The following CLEC4E variants were observed in gnomAD, a reference collection of about 807,000 sequenced individuals.
The protein encoded by CLEC4E is C-type lectin domain family 4 member E, also known as C-type (calcium dependent, carbohydrate-recognition domain) lectin, superfamily member 9.
A neutral mutation model predicts 24.7 loss-of-function variants in CLEC4E; 21 were observed. The observed-to-expected ratio is 0.85, with a 90% CI of 0.60 to 1.22. CLEC4E has a LOEUF of 1.22. Ranked by LOEUF, CLEC4E falls within the 50% of genes most tolerant of loss-of-function variation. The probability of loss-of-function intolerance (pLI) is 0.00; values close to 1 mark genes in which losing one functional copy is unlikely to be tolerated. For missense variants in CLEC4E, 249 were observed against 254.1 expected (o/e 0.98, Z 0.14); for synonymous variants, 94 against 85.7 (o/e 1.10, Z -0.54).
rs751685174 is a variant in CLEC4E at position 8,534,302 on chromosome 12, G to T, written c.*336C>A. ...CCCGGATTCAGGAGATTTTTGGAAG[G>T]CACCTTCCAAAATCCCCTTCTTTGC... On this transcript the variant is annotated 3_prime_UTR_variant, in exon 6 of 6. Transcript: ENST00000299663. The T allele has an allele frequency of 3.6e-5, 6 of 166,664 alleles. No homozygotes were observed. The highest frequency in any genetic ancestry group is 5.2e-5 in the Non-Finnish European group (4 of 77,534). The allele number at this position is 166,664 out of a possible 1,614,324, so 10.3% of individuals were successfully genotyped here.
chr12:8,536,980 G>A (rs935958690), intron 4 of CLEC4E, 135 bp downstream of exon 4: 11 of 746,488 alleles, frequency 1.5e-5, no homozygotes, highest in Admixed American at 1.1e-4. Context: ...TGACTTTACC[G>A]AAATAGTAAG....
At chr12:8,540,660 T>A in intron 1 of CLEC4E, 101 bp downstream of exon 1, 5 of 1,063,596 alleles carry the variant, frequency 4.7e-6, no homozygotes, top group South Asian at 2.7e-5. Flanking sequence ...CTTTTTTTTT[T>A]AACTTCAGTG....
In CLEC4E at chr12:8,534,958, G is replaced by A. The variant is rs764046984; in HGVS notation, c.489-149C>T. 1.7e-4 allele frequency: 107 copies of A among 622,104 alleles called. No individual in the cohort carries two copies. In the South Asian group the frequency reaches 2.6e-3, roughly 15 times the overall value. 38.5% of individuals were successfully genotyped at this position (622,104 alleles called of 1,614,324 possible). A position where few individuals can be genotyped will look rare whatever the true frequency, so the allele number is the denominator to read the frequency against. ...ATGTCCATTTTATTGAAGAAGAAAA[G>A]GAACCTCAGGAAGCTAAACTAGTTG... On this transcript the variant is annotated intron_variant, in intron 5 of 5. Transcript: ENST00000299663.
At chr12:8,536,903 G>A (rs778029924) in intron 4 of CLEC4E, among the ~76,000 whole-genome samples, 13 of 152,180 alleles carry the variant, frequency 8.5e-5, no homozygotes, top group Admixed American at 1.3e-4. Flanking sequence ...CTAACTAAAG[G>A]AACTCCACAT....
intron 4 of CLEC4E, 41 bp from the exon 5 acceptor site, chr12:8,536,246 T>C (rs1451835877): frequency 2.5e-6 from 3 of 1,182,346 alleles, no homozygotes; most frequent in Non-Finnish European, 3.8e-6. Context: ...GTTATTTTAG[T>C]TTTGAATAAA....
chr12:8,535,854 C>G (rs925481688), intron 5 of CLEC4E, among the ~76,000 whole-genome samples: 1 of 152,148 alleles, frequency 6.6e-6, no homozygotes, highest in Non-Finnish European at 1.5e-5. Flanking sequence ...TTCCACCTCT[C>G]GTCTCTTTTG....
chr12:8,539,952 A>G lies in CLEC4E; in HGVS notation c.38-5T>C, dbSNP rs1337765692. 1 of 1,553,492 alleles carries G rather than the reference A, an allele frequency of 6.4e-7. No individual in the cohort carries two copies. Among genetic ancestry groups the G allele is most frequent in the African/African-American group, 1.4e-5 (1 of 73,884 alleles). On this transcript the variant is annotated splice_region_variant and splice_polypyrimidine_tract_variant and intron_variant, in intron 1 of 5. Coordinates refer to ENST00000299663, the MANE Select transcript of CLEC4E (RefSeq NM_014358.4). ...GGGAAGAGAAGCATCCTCTCTCTGTAGAAAGAAAGACACAAACATGATCAA... is the reference window on the plus strand; with the variant it reads ...GGGAAGAGAAGCATCCTCTCTCTGTGGAAAGAAAGACACAAACATGATCAA...
chr12:8,540,781 G>T lies in CLEC4E; in HGVS notation c.17C>A (p.Ser6Ter). 2 of 1,609,062 alleles carry T rather than the reference G, an allele frequency of 1.2e-6. No homozygotes were observed. The highest frequency in any genetic ancestry group is 1.1e-5 in the South Asian group (1 of 90,882). MNSSK[S>*]SETQCTERGC... is the part of the protein sequence containing the mutation. ...TTTACCTGTGCATTGTGTTTCAGAT[G>T]ATTTAGATGAATTCATTTTTTCTCT... Residue 6 changes from serine (S) to a stop codon, truncating the protein, a stop_gained, in exon 1 of 6, where the codon TCA becomes TAA. Coordinates refer to ENST00000299663, the MANE Select transcript of CLEC4E (RefSeq NM_014358.4). LOFTEE classifies it high-confidence loss of function.
In CLEC4E at chr12:8,537,224, T is replaced by TA. The variant is rs1940627895; in HGVS notation, c.262_263insT (p.Gln88LeufsTer10). The TA allele has an allele frequency of 1.2e-6, 2 of 1,613,622 alleles. No individual in the cohort carries two copies. The highest frequency in any genetic ancestry group is 2.2e-5 in the South Asian group (2 of 91,058). On this transcript the variant is annotated frameshift_variant, in exon 4 of 6. Transcript: ENST00000299663. LOFTEE classifies it high-confidence loss of function. ...AGTAGAAAAGAAGTAGCAGCTGGAT[T>TA]GAAAATATTCCCAGTTCAATGGACA...
chr12:8,537,026 T>G (rs781192845), intron 4 of CLEC4E, 89 bp downstream of exon 4: 1 of 1,169,494 alleles, frequency 8.6e-7, no homozygotes, highest in South Asian at 2.0e-5. Context: ...TTAACAATAG[T>G]CATTGGGGGT....
chr12:8,537,384 A>T (rs2136398886), intron 3 of CLEC4E, 118 bp from the exon 4 acceptor site: 1 of 784,566 alleles, frequency 1.3e-6, no homozygotes, highest in Middle Eastern at 2.5e-4. Flanking sequence ...ACTTGTTCAT[A>T]CCCTACATCT....
At chr12:8,534,835 TA>T in intron 5 of CLEC4E, 26 bp from the exon 6 acceptor site, 3 of 1,585,870 alleles carry the variant, frequency 1.9e-6, no homozygotes, top group African/African-American at 1.4e-5. Context: ...ATAGGAGACT[TA>T]AAATCCCAGC....
intron 3 of CLEC4E, among the ~76,000 whole-genome samples, chr12:8,538,013 C>T (rs907970730): frequency 5.3e-5 from 8 of 152,220 alleles, no homozygotes; most frequent in Non-Finnish European, 8.8e-5. Context: ...CTAGCGGTGA[C>T]GCCAGCGTCT....
intron 3 of CLEC4E, among the ~76,000 whole-genome samples, chr12:8,537,861 A>G (rs1361073131): frequency 6.6e-6 from 1 of 152,266 alleles, no homozygotes; most frequent in African/African-American, 2.4e-5. Flanking sequence ...ATATTATAAT[A>G]ATCCTCGCTC....
In CLEC4E at chr12:8,537,282, T is replaced by G. The variant is rs757963545; in HGVS notation, c.221-16A>C. 4.4e-6 allele frequency: 7 copies of G among 1,609,168 alleles called. No individual in the cohort carries two copies. Among genetic ancestry groups the G allele is most frequent in the East Asian group, 2.2e-5 (1 of 44,816 alleles). Reference sequence around the variant, plus strand: ...TTGACTGAACCTAGGATGAGAGATGTTTCAGTGAGTGTCCCAGGTGAACCG... The same window carrying G: ...TTGACTGAACCTAGGATGAGAGATGGTTCAGTGAGTGTCCCAGGTGAACCG... On this transcript the variant is annotated splice_polypyrimidine_tract_variant and intron_variant, in intron 3 of 5. Coordinates refer to ENST00000299663, the MANE Select transcript of CLEC4E (RefSeq NM_014358.4).
chr12:8,538,094 C>A (rs938405084), intron 3 of CLEC4E, among the ~76,000 whole-genome samples: 1 of 152,224 alleles, frequency 6.6e-6, no homozygotes, highest in South Asian at 2.1e-4. Context: ...GGAAAACACC[C>A]GCTACTTAGC....
chr12:8,539,366 T>C, intron 2 of CLEC4E, 60 bp from the exon 3 acceptor site: 1 of 1,074,182 alleles, frequency 9.3e-7, no homozygotes, highest in Non-Finnish European at 1.4e-6. Flanking sequence ...GTCAGTTCCC[T>C]CAGTTTTGTA....
At position 8,533,526 on chromosome 12, in the gene CLEC4E, A is replaced by G. The variant is rs1285902053; in HGVS notation, c.*1112T>C. The G allele has an allele frequency of 6.6e-6, 1 of 152,282 alleles. No homozygotes were observed. Among genetic ancestry groups the G allele is most frequent in the African/African-American group, 2.4e-5 (1 of 41,480 alleles). The allele number at this position is 152,282 out of a possible 1,614,324, so 9.4% of individuals were successfully genotyped here. ...ATGGAATACTAAGCAGCCTTAAAAA[A>G]GAAGATTATGTCTTTTGTGGGAACA... On this transcript the variant is annotated 3_prime_UTR_variant, in exon 6 of 6. Coordinates refer to ENST00000299663, the MANE Select transcript of CLEC4E (RefSeq NM_014358.4).
intron 4 of CLEC4E, 116 bp downstream of exon 4, chr12:8,536,999 G>T (rs1042367123): frequency 1.1e-6 from 1 of 876,706 alleles, no homozygotes. Context: ...AGAACAGCAT[G>T]CATTTTAGTA....
Sources: allele counts gnomAD v4.1 joint callset (sites outside exome capture counted in the v4.1 genomes callset), GRCh38; gene constraint gnomAD v4.1.1; transcripts MANE v1.5; gene names NCBI Gene and HGNC (gene_info 2026-07-23, HGNC 2026-07-21).